The following SPPL2A variants were observed in gnomAD, a reference collection of about 807,000 sequenced individuals.
SPPL2A encodes signal peptide peptidase-like 2A.
In SPPL2A, 51 loss-of-function variants were observed where a neutral mutation model predicts 63.8. The observed-to-expected ratio is 0.80, with a 90% CI of 0.64 to 1.01. The LOEUF (loss-of-function observed/expected upper bound fraction) is 1.01, where lower values mean the gene tolerates loss of function less well. Ranked by LOEUF, SPPL2A falls within the 50% of genes least tolerant of loss-of-function variation. The pLI is 0.00. For missense variants in SPPL2A, 553 were observed against 622.7 expected (o/e 0.89, Z 1.19); for synonymous variants, 188 against 205.8 (o/e 0.91, Z 0.74).
At chr15:50,736,868 G>T in intron 6 of SPPL2A, 128 bp from the exon 7 acceptor site, 1 of 515,406 alleles carries the variant, frequency 1.9e-6, no homozygotes, top group South Asian at 2.8e-5. Context: ...ACTATACGAT[G>T]ACCTGAATTA....
chr15:50,740,045 T>TA (rs1475484419), intron 5 of SPPL2A, among the ~76,000 whole-genome samples: 8 of 152,120 alleles, frequency 5.3e-5, no homozygotes, highest in African/African-American at 1.9e-4. Flanking sequence ...ATCTAGAAAG[T>TA]AAAAACCTCT....
At chr15:50,709,899 A>T (rs1189345242) in intron 14 of SPPL2A, among the ~76,000 whole-genome samples, 1 of 152,196 alleles carries the variant, frequency 6.6e-6, no homozygotes, top group African/African-American at 2.4e-5. Context: ...TATCCCCTAG[A>T]TTTAAGGTCA....
chr15:50,756,338 C>CA (rs1481776047), intron 1 of SPPL2A, among the ~76,000 whole-genome samples: 1 of 118,276 alleles, frequency 8.5e-6, no homozygotes, highest in Non-Finnish European at 1.6e-5. Context: ...TCCAGTCTGA[C>CA]AGAGTCAGAC....
intron 13 of SPPL2A, among the ~76,000 whole-genome samples, chr15:50,720,618 C>T (rs1444804732): frequency 1.3e-5 from 2 of 148,850 alleles, no homozygotes; most frequent in Non-Finnish European, 3.0e-5. Flanking sequence ...CTCCTGGGTT[C>T]AAGCAATTCT....
Position 50,730,958 on chromosome 15 carries a change from G to T in SPPL2A, c.1089+7C>A. On this transcript the variant is annotated splice_region_variant and intron_variant, in intron 10 of 14. Coordinates refer to ENST00000261854, the MANE Select transcript of SPPL2A (RefSeq NM_032802.4). ...TTTCTTCACCCATTTCAAAAATATG[G>T]TCATACCTTTGTGATGAATGGTGTT... The T allele has an allele frequency of 8.4e-7, 1 of 1,191,442 alleles. No homozygotes were observed. Among genetic ancestry groups the T allele is most frequent in the South Asian group, 1.2e-5 (1 of 80,720 alleles). 73.8% of individuals were successfully genotyped at this position (1,191,442 alleles called of 1,614,324 possible). A position where few individuals can be genotyped will look rare whatever the true frequency, so the allele number is the denominator to read the frequency against.
Position 50,736,184 on chromosome 15 carries a change from T to G in SPPL2A, c.849A>C (p.Lys283Asn). The change falls in exon 8 of 15, where the codon AAA (lysine) becomes AAC (asparagine). Residue 283 changes from lysine (K) to asparagine (N), a missense_variant. Transcript: ENST00000261854. ...GAAAAATAAGTCTCACTTCCATGTT[T>G]TTGCCACGACATGCAATCCTAAAAA... is the stretch of plus-strand genomic sequence containing the variant. ...YGQCTIACRG[K>N]NMEVRLIFLS... 2 of 1,611,090 alleles carry G rather than the reference T, an allele frequency of 1.2e-6. No homozygotes were observed. Among genetic ancestry groups the G allele is most frequent in the Non-Finnish European group, 1.7e-6 (2 of 1,177,644 alleles).
chr15:50,715,613 G>A (rs2062594089), intron 14 of SPPL2A, among the ~76,000 whole-genome samples: 1 of 151,424 alleles, frequency 6.6e-6, no homozygotes, highest in Non-Finnish European at 1.5e-5. Context: ...GGTGGGGGTG[G>A]GGGAAGAATG....
intron 1 of SPPL2A, among the ~76,000 whole-genome samples, chr15:50,752,852 T>C (rs1008123269): frequency 3.3e-5 from 5 of 152,080 alleles, no homozygotes; most frequent in Non-Finnish European, 7.4e-5. Context: ...TTAAGCTCCT[T>C]GTGGAGAGGA....
intron 1 of SPPL2A, among the ~76,000 whole-genome samples, chr15:50,756,184 C>A (rs932805748): frequency 6.6e-6 from 1 of 151,308 alleles, no homozygotes; most frequent in African/African-American, 2.4e-5. Context: ...CATGGTGAAA[C>A]CCCGTCCCTA....
chr15:50,746,436 CAAAAAAAAAAAAA>C (rs71127139), intron 5 of SPPL2A, among the ~76,000 whole-genome samples: 9 of 87,054 alleles, frequency 1.0e-4, no homozygotes, highest in African/African-American at 2.7e-4. Flanking sequence ...GACTCTGTAT[CAAAAAAAAAAAAA>C]AAAAAAAAAA....
intron 14 of SPPL2A, among the ~76,000 whole-genome samples, chr15:50,712,701 G>A (rs1412726668): frequency 8.4e-6 from 1 of 118,410 alleles, no homozygotes; most frequent in Non-Finnish European, 1.6e-5. Context: ...TTTTCTCGAG[G>A]CGGAGTCTTG....
At position 50,703,679 on chromosome 15, in the gene SPPL2A, A is replaced by T. The variant is rs904320936; in HGVS notation, c.*4121T>A. 6.6e-6 allele frequency: 1 copy of T among 151,862 alleles called. No homozygotes were observed. The highest frequency in any genetic ancestry group is 2.4e-5 in the African/African-American group (1 of 41,356). The allele number at this position is 151,862 out of a possible 1,614,324, so 9.4% of individuals were successfully genotyped here. On this transcript the variant is annotated 3_prime_UTR_variant, in exon 15 of 15. Transcript: ENST00000261854. ...CCCGGCCTTAGTTCAAATATTTTTT[A>T]TTCAAATGTAAAATATGTCTATAAC...
In SPPL2A at chr15:50,741,742, G is replaced by A. The variant is rs562297677; in HGVS notation, c.585-1914C>T. Among the ~76,000 whole-genome samples the A allele has an allele frequency of 9.6e-4, 146 of 152,174 alleles. 1 individual carries two copies. The highest frequency in any genetic ancestry group is 1.6e-3 in the Non-Finnish European group (107 of 68,002). On this transcript the variant is annotated intron_variant, in intron 5 of 14. Coordinates refer to ENST00000261854, the MANE Select transcript of SPPL2A (RefSeq NM_032802.4). The stretch of plus-strand genomic sequence containing the variant: ...AGAACTTTAGGAGGCTGAGGTGGGC[G>A]GATCACTTGAGGTCAGGAGTTGATA...
intron 5 of SPPL2A, among the ~76,000 whole-genome samples, chr15:50,743,924 C>T (rs1397727470): frequency 6.6e-6 from 1 of 151,948 alleles, no homozygotes; most frequent in East Asian, 1.9e-4. Flanking sequence ...CCTGTAATCC[C>T]AGCATTTTGG....
At chr15:50,755,348 C>T (rs8033354) in intron 1 of SPPL2A, among the ~76,000 whole-genome samples, 82,128 of 150,558 alleles carry the variant, frequency 0.55, 22,646 homozygotes, top group African/African-American at 0.64. Context: ...TGGAAGGGCA[C>T]GGTGGCTCAT....
At chr15:50,712,255 T>C (rs1476500251) in intron 14 of SPPL2A, among the ~76,000 whole-genome samples, 1 of 152,184 alleles carries the variant, frequency 6.6e-6, no homozygotes, top group African/African-American at 2.4e-5. Flanking sequence ...GTCTAAAAAA[T>C]TACGGTGAAA....
chr15:50,758,569 C>G (rs952518155), intron 1 of SPPL2A, among the ~76,000 whole-genome samples: 4 of 151,870 alleles, frequency 2.6e-5, no homozygotes, highest in Admixed American at 2.0e-4. Flanking sequence ...ACCGCGTGAT[C>G]TGCCTGCCTC....
chr15:50,760,883 G>C (rs1488767207), intron 1 of SPPL2A, among the ~76,000 whole-genome samples: 1 of 152,086 alleles, frequency 6.6e-6, no homozygotes, highest in Admixed American at 6.6e-5. Context: ...CAAATTTTCA[G>C]CAACAGATTT....
Position 50,731,957 on chromosome 15 carries a change from A to T in SPPL2A, c.1014+646T>A, listed in dbSNP as rs536006502. On this transcript the variant is annotated intron_variant, in intron 9 of 14. Coordinates refer to ENST00000261854, the MANE Select transcript of SPPL2A (RefSeq NM_032802.4). The stretch of plus-strand genomic sequence containing the variant: ...AAAAAAAAAAAACCAAATAAATAAA[A>T]AAAAAAATATTTTAGGCAGGGTGCA... Among the ~76,000 whole-genome samples, 92 of 149,348 alleles carry T rather than the reference A, an allele frequency of 6.2e-4. 1 individual carries two copies. The highest frequency in any genetic ancestry group is 1.6e-3 in the African/African-American group (66 of 40,570).
Sources: allele counts gnomAD v4.1 joint callset (sites outside exome capture counted in the v4.1 genomes callset), GRCh38; gene constraint gnomAD v4.1.1; transcripts MANE v1.5; gene names NCBI Gene and HGNC (gene_info 2026-07-23, HGNC 2026-07-21).